The following GMIP variants were observed in gnomAD, a reference collection of about 807,000 sequenced individuals.
GMIP encodes the protein GEM-interacting protein.
Under a neutral mutation model 105.3 loss-of-function variants are expected in GMIP, and 54 were observed. That is an observed-to-expected ratio of 0.51 (90% CI 0.41 to 0.64). GMIP has a LOEUF of 0.64. Among genes scored for constraint, GMIP ranks in the 30% least tolerant of loss-of-function variants. GMIP has a pLI of 0.00. For missense variants in GMIP, 1,110 were observed against 1,319.4 expected (o/e 0.84, Z 2.46); for synonymous variants, 541 against 560.8 (o/e 0.96, Z 0.50).
At position 19,639,102 on chromosome 19, in the gene GMIP, AT is replaced by A. The variant is rs146057801; in HGVS notation, c.538-621del. On this transcript the variant is annotated intron_variant, in intron 7 of 20. Coordinates refer to ENST00000203556, the MANE Select transcript of GMIP (RefSeq NM_016573.4). ...CTCAAAAAAAAAAATAAATAAATAA[AT>A]TTTTTTTGGTAGATAAAGACAGGGA... is the stretch of plus-strand genomic sequence containing the variant. Among the ~76,000 whole-genome samples the A allele has an allele frequency of 5.3e-5, 8 of 151,230 alleles. No individual in the cohort carries two copies. In the East Asian group the frequency reaches 1.6e-3, roughly 30 times the overall value.
rs1315528315 is a variant in GMIP at position 19,643,526 on chromosome 19, C to T, written c.4G>A (p.Asp2Asn). 1 of 1,548,168 alleles carries T rather than the reference C, an allele frequency of 6.5e-7. No individual in the cohort carries two copies. Among genetic ancestry groups the T allele is most frequent in the Admixed American group, 2.0e-5 (1 of 50,906 alleles). MDAAEPGLPPGP... is the reference protein window; with the variant it reads MNAAEPGLPPGP... Reference sequence around the variant, plus strand: ...GACCCCCTACCCGGCTCTGCTGCGTCCATATCTGGGCCCGGGGATCGCTCT... The same window carrying T: ...GACCCCCTACCCGGCTCTGCTGCGTTCATATCTGGGCCCGGGGATCGCTCT... The change falls in exon 1 of 21, where the codon GAC becomes AAC. Residue 2 changes from aspartate to asparagine, a missense_variant. Physicochemically the swap from Asp to Asn is conservative, Grantham distance 23 (BLOSUM62 1). Around this residue, in one of 3 missense-constraint regions of GMIP, gnomAD observed 667 missense variants for 773.2 expected, o/e 0.86. Coordinates refer to ENST00000203556, the MANE Select transcript of GMIP (RefSeq NM_016573.4).
chr19:19,641,964 C>T lies in GMIP; in HGVS notation c.180+12G>A, dbSNP rs1599418309. The stretch of plus-strand genomic sequence containing the variant: ...TGAGGTCTTCCTCCCTGTTCCCCTA[C>T]TCCCCACTCACAACAGTGGCTGTAG... On this transcript the variant is annotated intron_variant, in intron 3 of 20. Transcript: ENST00000203556. 7.5e-6 allele frequency: 12 copies of T among 1,609,264 alleles called. No homozygotes were observed. The highest frequency in any genetic ancestry group is 7.7e-6 in the Non-Finnish European group (9 of 1,175,650).
At chr19:19,632,343 T>C (rs2061805330) in intron 19 of GMIP, among the ~76,000 whole-genome samples, 1 of 152,074 alleles carries the variant, frequency 6.6e-6, no homozygotes, top group Non-Finnish European at 1.5e-5. Flanking sequence ...CTCACGCCTA[T>C]AATCCCAGCA....
chr19:19,630,626 T>C lies in GMIP; in HGVS notation c.2473-89A>G. 1.7e-6 allele frequency: 2 copies of C among 1,178,554 alleles called. No homozygotes were observed. The highest frequency in any genetic ancestry group is 1.3e-6 in the Non-Finnish European group (1 of 787,320). The allele number at this position is 1,178,554 out of a possible 1,614,324, so 73.0% of individuals were successfully genotyped here. ...AGAGCCAAGGGCTTGTTCCTGGACA[T>C]GCAAAAGGAATAGCCAGTGCAAAGG... On this transcript the variant is annotated intron_variant, in intron 19 of 20. Transcript: ENST00000203556. The surrounding 1 kb of genome is among the most constrained non-coding windows in gnomAD (Gnocchi z 4.8).
At chr19:19,642,119 C>T in intron 2 of GMIP, 68 bp from the exon 3 acceptor site, 1 of 1,018,624 alleles carries the variant, frequency 9.8e-7, no homozygotes, top group Non-Finnish European at 1.5e-6. Context: ...GTGCTGGGGA[C>T]CTTAGGGTTG....
chr19:19,633,884 G>T lies in GMIP; in HGVS notation c.2391C>A (p.Pro797=). 1 of 1,510,554 alleles carries T rather than the reference G, an allele frequency of 6.6e-7. No individual in the cohort carries two copies. Among genetic ancestry groups the T allele is most frequent in the Non-Finnish European group, 8.9e-7 (1 of 1,127,568 alleles). 93.6% of individuals were successfully genotyped at this position (1,510,554 alleles called of 1,614,324 possible). A position where few individuals can be genotyped will look rare whatever the true frequency, so the allele number is the denominator to read the frequency against. Residue 797 remains proline, a synonymous_variant, in exon 19 of 21, where the codon CCC becomes CCA. Transcript: ENST00000203556. The part of the protein sequence containing the change: ...PPPHLDPDSQ[P]PVLASDPGPD... Reference sequence around the variant, plus strand: ...GGCCGGGGTCTGAGGCTAGGACTGGGGGCTGGGAGTCTGGGTCAAGGTGCG... The same window carrying T: ...GGCCGGGGTCTGAGGCTAGGACTGGTGGCTGGGAGTCTGGGTCAAGGTGCG...
chr19:19,642,737 A>T, intron 1 of GMIP, 118 bp from the exon 2 acceptor site: 5 of 464,454 alleles, frequency 1.1e-5, no homozygotes, highest in Admixed American at 3.0e-5. Context: ...AGAGAAAGAG[A>T]GGGCTGGGGG....
chr19:19,636,630 TTG>T (rs750324417), intron 13 of GMIP, 75 bp downstream of exon 13: 19 of 1,033,994 alleles, frequency 1.8e-5, no homozygotes, highest in Non-Finnish European at 2.5e-5. Flanking sequence ...TAGTTAAAGA[TTG>T]AGGGTCAGAG....
Position 19,637,867 on chromosome 19 carries a change from C to G in GMIP, c.927+53G>C. On this transcript the variant is annotated intron_variant, in intron 10 of 20. Coordinates refer to ENST00000203556, the MANE Select transcript of GMIP (RefSeq NM_016573.4). The surrounding 1 kb of genome is among the most constrained non-coding windows in gnomAD (Gnocchi z 6.7). ...GCTTAGGGGCGAGGAGTGGGGCACT[C>G]AGTCGGGGCCCCAACGGGGTGAGGG... 6.5e-7 allele frequency: 1 copy of G among 1,539,304 alleles called. No homozygotes were observed. Among genetic ancestry groups the G allele is most frequent in the Non-Finnish European group, 8.8e-7 (1 of 1,138,130 alleles).
intron 2 of GMIP, 33 bp from the exon 3 acceptor site, chr19:19,642,084 T>G (rs1365861874): frequency 6.8e-7 from 1 of 1,479,960 alleles, no homozygotes; most frequent in Middle Eastern, 1.7e-4. Flanking sequence ...GATGCCACCT[T>G]ACACCCAGTC....
chr19:19,637,167 A>ATACAGT lies in GMIP; in HGVS notation c.1125-144_1125-139dup. ...CACCCAGGGCATTGTGGCCCCTGAAATACAGTAGCCCCACATTCCTGCCCC... is the reference window on the plus strand; with the variant it reads ...CACCCAGGGCATTGTGGCCCCTGAAATACAGTTACAGTAGCCCCACATTCCTGCCCC... On this transcript the variant is annotated intron_variant, in intron 11 of 20. Transcript: ENST00000203556. The surrounding 1 kb of genome is among the most constrained non-coding windows in gnomAD (Gnocchi z 6.7). 1 of 688,168 alleles carries ATACAGT rather than the reference A, an allele frequency of 1.5e-6. No homozygotes were observed. Among genetic ancestry groups the ATACAGT allele is most frequent in the Admixed American group, 2.7e-5 (1 of 37,092 alleles). The allele number at this position is 688,168 out of a possible 1,614,324, so 42.6% of individuals were successfully genotyped here.
intron 8 of GMIP, 21 bp from the exon 9 acceptor site, chr19:19,638,350 C>G: frequency 6.2e-7 from 1 of 1,614,124 alleles, no homozygotes; most frequent in African/African-American, 1.3e-5. Flanking sequence ...ATGAGAAGGT[C>G]AGCGTCCCGG....
In GMIP at chr19:19,629,647, GAC is replaced by G. The variant is rs2061771319; in HGVS notation, c.*314_*315del. On this transcript the variant is annotated 3_prime_UTR_variant, in exon 21 of 21. Transcript: ENST00000203556. Reference sequence around the variant, plus strand: ...AAGCACCCCTGTCCCAGGTGTCAGAGACTAGGGTGGACCCCAAGGATCTCATA... The same window carrying G: ...AAGCACCCCTGTCCCAGGTGTCAGAGTAGGGTGGACCCCAAGGATCTCATA... 3.1e-6 allele frequency: 1 copy of G among 321,518 alleles called. No individual in the cohort carries two copies. The highest frequency in any genetic ancestry group is 2.2e-5 in the African/African-American group (1 of 46,106). The allele number at this position is 321,518 out of a possible 1,614,324, so 19.9% of individuals were successfully genotyped here. A position where few individuals can be genotyped will look rare whatever the true frequency, so the allele number is the denominator to read the frequency against.
In GMIP at chr19:19,635,409, C is replaced by A. The variant is rs1317045108; in HGVS notation, c.1560+6G>T. 6.2e-7 allele frequency: 1 copy of A among 1,608,178 alleles called. No homozygotes were observed. Among genetic ancestry groups the A allele is most frequent in the Non-Finnish European group, 8.5e-7 (1 of 1,178,882 alleles). On this transcript the variant is annotated splice_donor_region_variant and intron_variant, in intron 15 of 20. Coordinates refer to ENST00000203556, the MANE Select transcript of GMIP (RefSeq NM_016573.4). The surrounding 1 kb of genome is among the most constrained non-coding windows in gnomAD (Gnocchi z 4.7). ...AAGGTCATTTGGTCATTAACCCAGGCCACACCTCCTCACACTCCGTCCCGC... is the reference window on the plus strand; with the variant it reads ...AAGGTCATTTGGTCATTAACCCAGGACACACCTCCTCACACTCCGTCCCGC...
At position 19,635,663 on chromosome 19, in the gene GMIP, G is replaced by A; in HGVS notation, c.1386C>T (p.Asp462=). 1 of 1,613,894 alleles carries A rather than the reference G, an allele frequency of 6.2e-7. No homozygotes were observed. The highest frequency in any genetic ancestry group is 8.5e-7 in the Non-Finnish European group (1 of 1,179,790). The part of the protein sequence containing the change: ...ASSTGTESSD[D]FEERDPDLGD... ...CCTCACCAGGGTCTCGCTCCTCAAA[G>A]TCATCTGAGGACTCAGTGCCTGTGG... Residue 462 remains aspartate (D), a synonymous_variant, in exon 14 of 21, where the codon GAC becomes GAT. Coordinates refer to ENST00000203556, the MANE Select transcript of GMIP (RefSeq NM_016573.4). This position sits in a 1 kb window ranked among gnomAD's most constrained non-coding sequence, Gnocchi z 4.7.
In GMIP at chr19:19,637,686, A is replaced by G; in HGVS notation, c.928-125T>C. On this transcript the variant is annotated intron_variant, in intron 10 of 20. Transcript: ENST00000203556. The surrounding 1 kb of genome is among the most constrained non-coding windows in gnomAD (Gnocchi z 6.7). Reference sequence around the variant, plus strand: ...GGTTTGGGACGCACCTGGGCGGCTTAGGAACTAGGGCAGTCGGCCAGGGGA... The same window carrying G: ...GGTTTGGGACGCACCTGGGCGGCTTGGGAACTAGGGCAGTCGGCCAGGGGA... The G allele has an allele frequency of 2.2e-6, 2 of 894,990 alleles. No homozygotes were observed. The highest frequency in any genetic ancestry group is 3.5e-4 in the Middle Eastern group (1 of 2,856). 55.4% of individuals were successfully genotyped at this position (894,990 alleles called of 1,614,324 possible).
Position 19,636,960 on chromosome 19 carries a change from C to T in GMIP, c.1194G>A (p.Glu398=), listed in dbSNP as rs768776673. The T allele has an allele frequency of 1.4e-5, 22 of 1,585,026 alleles. No homozygotes were observed. ...TGCCCGGATCCTCCCAAGGGCCTGG[C>T]TCAGCTGAATTCTCATCCAGCCTTG... ...LPPRLDENSA[E]PGPWEDPGTG... Residue 398 remains glutamate, a synonymous_variant, in exon 12 of 21, where the codon GAG becomes GAA. Coordinates refer to ENST00000203556, the MANE Select transcript of GMIP (RefSeq NM_016573.4).
At position 19,629,678 on chromosome 19, in the gene GMIP, T is replaced by G. The variant is rs1262370478; in HGVS notation, c.*285A>C. 6.9e-6 allele frequency: 3 copies of G among 437,910 alleles called. No individual in the cohort carries two copies. The highest frequency in any genetic ancestry group is 2.0e-5 in the African/African-American group (1 of 48,922). The allele number at this position is 437,910 out of a possible 1,614,324, so 27.1% of individuals were successfully genotyped here. A position where few individuals can be genotyped will look rare whatever the true frequency, so the allele number is the denominator to read the frequency against. On this transcript the variant is annotated 3_prime_UTR_variant, in exon 21 of 21. Coordinates refer to ENST00000203556, the MANE Select transcript of GMIP (RefSeq NM_016573.4). ...GGTGGACCCCAAGGATCTCATAACCTGCACTGACCCTGAGTATTGACCCTG... is the reference window on the plus strand; with the variant it reads ...GGTGGACCCCAAGGATCTCATAACCGGCACTGACCCTGAGTATTGACCCTG...
chr19:19,636,809 G>A lies in GMIP; in HGVS notation c.1238-13C>T. ...GGGCCTGGAGTCCCTAGGTGGCACA[G>A]GTCAATAAGGATGGTCCCCTGCTCA... On this transcript the variant is annotated splice_polypyrimidine_tract_variant and intron_variant, in intron 12 of 20. Transcript: ENST00000203556. 1 of 1,603,700 alleles carries A rather than the reference G, an allele frequency of 6.2e-7. No individual in the cohort carries two copies.
Sources: gnomAD v4.1 joint callset for allele counts (sites outside exome capture counted in the v4.1 genomes callset) on GRCh38, gnomAD v4.1.1 for gene constraint, gnomAD v4.1.1 regional missense constraint, Gnocchi (gnomAD v3.1) non-coding constraint, MANE v1.5 for transcripts, NCBI Gene and HGNC (gene_info 2026-07-23, HGNC 2026-07-21) for gene names.